Variants in SCARB1 observed in about 807,000 individuals in gnomAD.
SCARB1 encodes the protein scavenger receptor class B member 1, also known as CD36 and LIMPII analogous 1.
In SCARB1, 30 loss-of-function variants were observed where a neutral mutation model predicts 57.2. That is an observed-to-expected ratio of 0.52 (90% CI 0.39 to 0.71). The LOEUF is 0.71. Among genes scored for constraint, SCARB1 ranks in the 30% least tolerant of loss-of-function variants. SCARB1 has a pLI of 0.00. For missense variants in SCARB1, 543 were observed against 671.2 expected, an observed-to-expected ratio of 0.81 and a Z score of 2.11; for synonymous variants, 249 against 268.3, an observed-to-expected ratio of 0.93 and a Z score of 0.70.
At chr12:124,808,398 C>T in intron 6 of SCARB1, among the ~76,000 whole-genome samples, 1 of 152,210 alleles carries the variant, frequency 6.6e-6, no homozygotes, top group East Asian at 1.9e-4. Flanking sequence ...CATTAGGATT[C>T]ATTGACCTTA....
At chr12:124,779,997 A>T (rs1873134370) in intron 12 of SCARB1, among the ~76,000 whole-genome samples, 1 of 152,144 alleles carries the variant, frequency 6.6e-6, no homozygotes, top group East Asian at 1.9e-4. Context: ...TCTCACTCAG[A>T]AGTAGAAAGG....
At chr12:124,795,422 G>C (rs201832943) in intron 8 of SCARB1, among the ~76,000 whole-genome samples, 154 bp from the exon 9 acceptor site, 3 of 103,896 alleles carry the variant, frequency 2.9e-5, no homozygotes, top group Non-Finnish European at 5.5e-5. Flanking sequence ...GCCACAGGCT[G>C]GGGGGGGTCA....
At chr12:124,843,290 T>TGGG (rs56148562) in intron 1 of SCARB1, among the ~76,000 whole-genome samples, 4 of 103,614 alleles carry the variant, frequency 3.9e-5, no homozygotes, top group East Asian at 3.2e-4. Context: ...TCTGTGGAGA[T>TGGG]GGGGGGGGGG....
chr12:124,806,089 C>T (rs1398844481), intron 7 of SCARB1, among the ~76,000 whole-genome samples: 1 of 152,092 alleles, frequency 6.6e-6, no homozygotes, highest in Non-Finnish European at 1.5e-5. Flanking sequence ...CAGCAGTGAC[C>T]GCACTGGATG....
chr12:124,786,321 G>C (rs1382200035), intron 11 of SCARB1, 36 bp downstream of exon 11: 1 of 1,611,544 alleles, frequency 6.2e-7, no homozygotes, highest in Admixed American at 1.7e-5. Context: ...CAAGCGAATG[G>C]CTGTCAGCCC....
intron 1 of SCARB1, among the ~76,000 whole-genome samples, chr12:124,825,932 G>A (rs982345119): frequency 6.6e-5 from 10 of 152,068 alleles, no homozygotes; most frequent in South Asian, 2.1e-4. Flanking sequence ...GTCACAGGGC[G>A]CAAAGCTGCA....
In SCARB1 at chr12:124,810,282, A is replaced by T. The variant is rs1219953880; in HGVS notation, c.734T>A (p.Phe245Tyr). Residue 245 changes from phenylalanine to tyrosine, a missense_variant, in exon 6 of 13, where the codon TTC becomes TAC. Transcript: ENST00000261693. This position sits in a 1 kb window ranked among gnomAD's most constrained non-coding sequence, Gnocchi z 4.0. ...DKWNGLSKVD[F>Y]WHSDQCNMIN... ...CATGTTGCACTGATCGGAATGCCAG[A>T]AGTCAACCTGGGGGGAAGCATCCAG... 4 of 1,612,886 alleles carry T rather than the reference A, an allele frequency of 2.5e-6. No individual in the cohort carries two copies. The highest frequency in any genetic ancestry group is 3.4e-6 in the Non-Finnish European group (4 of 1,179,054).
chr12:124,798,924 C>A (rs1950041542), intron 8 of SCARB1, among the ~76,000 whole-genome samples: 2 of 151,652 alleles, frequency 1.3e-5, no homozygotes, highest in Non-Finnish European at 2.9e-5. Context: ...ATGGGGAAGT[C>A]CGTCAAAGGA....
chr12:124,842,423 C>T (rs1951942374), intron 1 of SCARB1, among the ~76,000 whole-genome samples: 1 of 152,250 alleles, frequency 6.6e-6, no homozygotes, highest in Admixed American at 6.5e-5. Flanking sequence ...AAGCTCCTCC[C>T]CACACACCTC....
chr12:124,858,270 G>A (rs574233783), intron 1 of SCARB1, among the ~76,000 whole-genome samples: 15 of 152,272 alleles, frequency 9.9e-5, no homozygotes, highest in Non-Finnish European at 1.9e-4. Context: ...CATATGTCAC[G>A]GCCCTCTGCA....
At chr12:124,824,409 T>A (rs992018682) in intron 1 of SCARB1, among the ~76,000 whole-genome samples, 1 of 152,164 alleles carries the variant, frequency 6.6e-6, no homozygotes, top group African/African-American at 2.4e-5. Context: ...GACTGCTTAA[T>A]GGGTACACGG....
intron 12 of SCARB1, among the ~76,000 whole-genome samples, 186 bp from the exon 13 acceptor site, chr12:124,778,772 A>C (rs1872791461): frequency 6.6e-6 from 1 of 151,618 alleles, no homozygotes; most frequent in African/African-American, 2.4e-5. Flanking sequence ...GGGCCTCTTC[A>C]TCTCACTCAA....
chr12:124,845,565 C>A (rs1468599312), intron 1 of SCARB1, among the ~76,000 whole-genome samples: 4 of 138,238 alleles, frequency 2.9e-5, no homozygotes, highest in Non-Finnish European at 4.6e-5. Flanking sequence ...ATTAGCCGGG[C>A]GTGGTGGCGG....
At chr12:124,837,672 A>G (rs1951741907) in intron 1 of SCARB1, among the ~76,000 whole-genome samples, 2 of 152,114 alleles carry the variant, frequency 1.3e-5, no homozygotes, top group South Asian at 4.1e-4. Flanking sequence ...GGGTCACTTG[A>G]GGCCAGGAGT....
rs1348992447 is a variant in SCARB1 at position 124,817,536 on chromosome 12, G to A, written c.284+14C>T. Reference sequence around the variant, plus strand: ...TCAGCCGGCCCCTCCACCCTCACCTGGACACAGCCTCACCTGTACACGTAG... The same window carrying A: ...TCAGCCGGCCCCTCCACCCTCACCTAGACACAGCCTCACCTGTACACGTAG... On this transcript the variant is annotated intron_variant, in intron 2 of 12. Coordinates refer to ENST00000261693, the MANE Select transcript of SCARB1 (RefSeq NM_005505.5). The surrounding 1 kb of genome is among the most constrained non-coding windows in gnomAD (Gnocchi z 4.8). 2.5e-6 allele frequency: 4 copies of A among 1,613,082 alleles called. No homozygotes were observed. The highest frequency in any genetic ancestry group is 2.5e-6 in the Non-Finnish European group (3 of 1,179,898).
chr12:124,792,851 C>T (rs1307489752), intron 9 of SCARB1, among the ~76,000 whole-genome samples: 17 of 152,048 alleles, frequency 1.1e-4, no homozygotes, highest in Non-Finnish European at 2.5e-4. Context: ...ACACTGAGCC[C>T]GCATTTCCAT....
Position 124,817,720 on chromosome 12 carries a change from G to T in SCARB1, c.127-13C>A. 1 of 1,614,046 alleles carries T rather than the reference G, an allele frequency of 6.2e-7. No homozygotes were observed. Among genetic ancestry groups the T allele is most frequent in the Non-Finnish European group, 8.5e-7 (1 of 1,179,978 alleles). On this transcript the variant is annotated splice_polypyrimidine_tract_variant and intron_variant, in intron 1 of 12. Coordinates refer to ENST00000261693, the MANE Select transcript of SCARB1 (RefSeq NM_005505.5). This position sits in a 1 kb window ranked among gnomAD's most constrained non-coding sequence, Gnocchi z 4.8. ...CGATGCGCACGTTCTGCAGGGGAAG[G>T]GACAAGTACGCTTGTGAGGAGAGTG...
chr12:124,851,505 C>T (rs900746280), intron 1 of SCARB1, among the ~76,000 whole-genome samples: 1 of 151,994 alleles, frequency 6.6e-6, no homozygotes, highest in African/African-American at 2.4e-5. Context: ...CACACCTCCA[C>T]ATTCCTGCAC....
At chr12:124,859,949 A>ATTT (rs63359362) in intron 1 of SCARB1, among the ~76,000 whole-genome samples, 10 of 117,958 alleles carry the variant, frequency 8.5e-5, no homozygotes, top group South Asian at 5.4e-4. Context: ...AAGTTCCTTC[A>ATTT]TTTTTTTTTT....
Sources: gnomAD v4.1 joint callset for allele counts (sites outside exome capture counted in the v4.1 genomes callset) on GRCh38, gnomAD v4.1.1 for gene constraint, Gnocchi (gnomAD v3.1) non-coding constraint, MANE v1.5 for transcripts, NCBI Gene and HGNC (gene_info 2026-07-23, HGNC 2026-07-21) for gene names.